CHD9: variants seen among roughly 807,000 people sequenced by gnomAD.
The protein encoded by CHD9 is ATP-dependent chromatin remodeler CHD9.
Under a neutral mutation model 316.1 loss-of-function variants are expected in CHD9, and 77 were observed. The observed-to-expected ratio is 0.24, with a 90% CI of 0.20 to 0.29. The LOEUF (loss-of-function observed/expected upper bound fraction) is 0.29, where lower values mean the gene tolerates loss of function less well. Ranked by LOEUF, CHD9 falls within the 10% of genes least tolerant of loss-of-function variation. CHD9 has a pLI of 1.00. For synonymous variants in CHD9, 1,129 were observed against 1,158.3 expected (o/e 0.97, Z 0.51); for missense variants, 2,763 against 3,438.1 (o/e 0.80, Z 4.91).
intron 1 of CHD9, among the ~76,000 whole-genome samples, chr16:53,057,471 G>C (rs891714214): frequency 6.6e-6 from 1 of 152,034 alleles, no homozygotes; most frequent in Non-Finnish European, 1.5e-5. Flanking sequence ...TGGCCAACAT[G>C]GCAAAACCCC....
intron 30 of CHD9, among the ~76,000 whole-genome samples, chr16:53,300,714 C>A (rs935101522): frequency 6.6e-6 from 1 of 152,188 alleles, no homozygotes; most frequent in Non-Finnish European, 1.5e-5. Context: ...AGTGCAGACC[C>A]GCAGTGTTCA....
chr16:53,314,654 T>G, intron 35 of CHD9, 138 bp downstream of exon 35: 2 of 977,328 alleles, frequency 2.0e-6, no homozygotes, highest in Non-Finnish European at 3.0e-6. Context: ...TTAGATGATA[T>G]CTTAGAATCT....
rs2057522796 is a variant in CHD9, at chr16:53,325,844, C to A, written c.*949C>A. 1 of 152,372 alleles carries A rather than the reference C, an allele frequency of 6.6e-6. No homozygotes were observed. The highest frequency in any genetic ancestry group is 1.9e-4 in the East Asian group (1 of 5,200). The allele number at this position is 152,372 out of a possible 1,614,324, so 9.4% of individuals were successfully genotyped here. On this transcript the variant is annotated 3_prime_UTR_variant, in exon 39 of 39. Coordinates refer to ENST00000447540, the MANE Select transcript of CHD9 (RefSeq NM_001308319.2). ...GTAAAAGAAATTGTTTGTTTGCTTT[C>A]TTTGTGTAGATTTCTATTTGTGTTT... is the stretch of plus-strand genomic sequence containing the variant.
intron 3 of CHD9, among the ~76,000 whole-genome samples, chr16:53,218,099 G>A (rs931057446): frequency 5.9e-5 from 9 of 151,988 alleles, no homozygotes; most frequent in Admixed American, 5.2e-4. Context: ...TTTTTAAATA[G>A]AAAAGGCACG....
At position 53,156,553 on chromosome 16, in the gene CHD9, G is replaced by T; in HGVS notation, c.464G>T (p.Ser155Ile). ...TCACACTCTATGCATCAAAATAAAA[G>T]CTTTGTGGCACACCATGACTTTGCC... Reference protein sequence around the residue: ...GHSHSMHQNKSFVAHHDFALF... With the variant: ...GHSHSMHQNKIFVAHHDFALF... The change falls in exon 2 of 39, where the codon AGC (serine) becomes ATC (isoleucine). Residue 155 changes from serine to isoleucine, a missense_variant. Ser to Ile is a moderately radical substitution (Grantham distance 142, BLOSUM62 -2). Around this residue, in one of 15 missense-constraint regions of CHD9, gnomAD observed 859 missense variants for 890.4 expected, o/e 0.96. Transcript: ENST00000447540. 1 of 1,613,944 alleles carries T rather than the reference G, an allele frequency of 6.2e-7. No homozygotes were observed. The highest frequency in any genetic ancestry group is 8.5e-7 in the Non-Finnish European group (1 of 1,179,886).
At chr16:53,089,834 A>G (rs1430300447) in intron 1 of CHD9, among the ~76,000 whole-genome samples, 1 of 152,228 alleles carries the variant, frequency 6.6e-6, no homozygotes, top group African/African-American at 2.4e-5. Context: ...ACTGGAAGGA[A>G]AGACACTGGC....
intron 2 of CHD9, among the ~76,000 whole-genome samples, chr16:53,160,339 G>A (rs548215497): frequency 6.6e-6 from 1 of 151,930 alleles, no homozygotes; most frequent in Non-Finnish European, 1.5e-5. Flanking sequence ...AAGTAGTAAG[G>A]ACTCCTTTTT....
intron 16 of CHD9, among the ~76,000 whole-genome samples, chr16:53,248,630 A>G (rs1039070085): frequency 6.7e-6 from 1 of 149,612 alleles, no homozygotes; most frequent in Non-Finnish European, 1.5e-5. Flanking sequence ...AGCTCAAGCA[A>G]TCCTCCCACC....
intron 5 of CHD9, 188 bp from the exon 6 acceptor site, chr16:53,227,208 G>A (rs2047732754): frequency 2.2e-6 from 1 of 446,838 alleles, no homozygotes; most frequent in African/African-American, 2.1e-5. Context: ...AGATAATGCA[G>A]GTGATGAAAA....
At chr16:53,183,049 C>CTTAAA (rs2043662073) in intron 2 of CHD9, among the ~76,000 whole-genome samples, 2 of 152,144 alleles carry the variant, frequency 1.3e-5, no homozygotes, top group Admixed American at 6.5e-5. Context: ...TTTCTAAAAG[C>CTTAAA]TGTTAAAGTC....
chr16:53,182,629 G>A (rs1454182241), intron 2 of CHD9, among the ~76,000 whole-genome samples: 1 of 152,088 alleles, frequency 6.6e-6, no homozygotes, highest in Non-Finnish European at 1.5e-5. Context: ...TTGTGTTATA[G>A]ATGAGCCAAT....
intron 26 of CHD9, among the ~76,000 whole-genome samples, chr16:53,287,228 C>A (rs2053953958): frequency 6.6e-6 from 1 of 152,158 alleles, no homozygotes; most frequent in Non-Finnish European, 1.5e-5. Context: ...GCCTTGGCTT[C>A]CCAAAGTGCG....
chr16:53,259,103 G>A (rs2050849946), intron 19 of CHD9, among the ~76,000 whole-genome samples: 1 of 152,162 alleles, frequency 6.6e-6, no homozygotes, highest in Non-Finnish European at 1.5e-5. Context: ...TAGGATATTA[G>A]GATTTAGTAT....
intron 1 of CHD9, among the ~76,000 whole-genome samples, chr16:53,071,970 G>A (rs1374180743): frequency 6.6e-6 from 1 of 152,176 alleles, no homozygotes; most frequent in Non-Finnish European, 1.5e-5. Flanking sequence ...CAGGCATTGA[G>A]TTTATTGTGC....
intron 34 of CHD9, among the ~76,000 whole-genome samples, chr16:53,313,299 A>G (rs1485502225): frequency 6.6e-6 from 1 of 151,950 alleles, no homozygotes; most frequent in Non-Finnish European, 1.5e-5. Context: ...CTGATGTTAT[A>G]AAAAGGACAA....
intron 1 of CHD9, among the ~76,000 whole-genome samples, chr16:53,102,614 C>G (rs1596992982): frequency 6.6e-6 from 1 of 152,006 alleles, no homozygotes; most frequent in Non-Finnish European, 1.5e-5. Context: ...CTTTCAGAGG[C>G]CAGAGGTGGG....
At chr16:53,225,745 T>G (rs2047601396) in intron 4 of CHD9, among the ~76,000 whole-genome samples, 1 of 152,058 alleles carries the variant, frequency 6.6e-6, no homozygotes, top group Admixed American at 6.6e-5. Flanking sequence ...AATGCTTTCT[T>G]ATTTTGTGCA....
At chr16:53,277,725 A>T (rs2052994634) in intron 24 of CHD9, among the ~76,000 whole-genome samples, 1 of 152,138 alleles carries the variant, frequency 6.6e-6, no homozygotes, top group South Asian at 2.1e-4. Flanking sequence ...CACTCTCACC[A>T]CTTCTGATCA....
intron 24 of CHD9, among the ~76,000 whole-genome samples, chr16:53,282,559 A>G (rs948071333): frequency 2.0e-5 from 3 of 152,146 alleles, no homozygotes; most frequent in African/African-American, 7.2e-5. Context: ...GTGAGCTGTG[A>G]TTGCACCACT....
Sources: gnomAD v4.1 joint callset for allele counts (sites outside exome capture counted in the v4.1 genomes callset) on GRCh38, gnomAD v4.1.1 for gene constraint, gnomAD v4.1.1 regional missense constraint, MANE v1.5 for transcripts, NCBI Gene and HGNC (gene_info 2026-07-23, HGNC 2026-07-21) for gene names.